CUTC: variants seen among roughly 807,000 people sequenced by gnomAD.
CUTC encodes the protein cutC copper transporter, also known as copper homeostasis protein cutC homolog.
CUTC carries 27 observed loss-of-function variants against 36.2 expected under a neutral mutation model. The ratio of observed to expected loss-of-function variants is 0.75; its 90% CI spans 0.55 to 1.03. The LOEUF is 1.03. CUTC is among the 50% of genes least tolerant of loss of function. CUTC has a pLI of 0.00. For missense variants in CUTC, 315 were observed against 343.5 expected (o/e 0.92, Z 0.66); for synonymous variants, 114 against 118.3 (o/e 0.96, Z 0.24).
rs140301005 is a variant in CUTC, at chr10:99,739,718, C to A, written c.142C>A (p.Arg48=). ...AVNAERGGAD[R]IELCSGLSEG... ...ATGCTTTTATATTACAGGTGCTGAT[C>A]GGATTGAATTATGTTCTGGTTTATC... is the stretch of plus-strand genomic sequence containing the variant. The change falls in exon 3 of 9, where the codon CGG becomes AGG. Residue 48 remains arginine, a synonymous_variant. Transcript: ENST00000370476. 6.2e-7 allele frequency: 1 copy of A among 1,610,224 alleles called. No homozygotes were observed. The highest frequency in any genetic ancestry group is 1.3e-5 in the African/African-American group (1 of 74,640).
chr10:99,745,258 G>C (rs1024492198), intron 5 of CUTC, among the ~76,000 whole-genome samples: 21 of 152,280 alleles, frequency 1.4e-4, no homozygotes, highest in African/African-American at 4.6e-4. Context: ...AAAATTTGTA[G>C]AATTTTTGGG....
chr10:99,738,454 A>T (rs1157382695), intron 2 of CUTC, among the ~76,000 whole-genome samples: 3 of 151,530 alleles, frequency 2.0e-5, no homozygotes, highest in Non-Finnish European at 2.9e-5. Context: ...AGAGCCAAAC[A>T]TTTCATTTGT....
At chr10:99,740,705 G>A (rs1163254484) in intron 3 of CUTC, among the ~76,000 whole-genome samples, 1 of 152,090 alleles carries the variant, frequency 6.6e-6, no homozygotes, top group Non-Finnish European at 1.5e-5. Context: ...CTCCTTTAGA[G>A]ACTTAAGCTA....
At position 99,754,557 on chromosome 10, in the gene CUTC, A is replaced by G; in HGVS notation, c.630A>G (p.Gln210=). 1 of 1,613,404 alleles carries G rather than the reference A, an allele frequency of 6.2e-7. No individual in the cohort carries two copies. ...PGGGITDRNL[Q]RILEGSGATE... is the part of the protein sequence containing the mutation. ...GTGGTATAACAGACAGAAATCTACA[A>G]AGGATCCTTGAGGGTTCAGGTGCTA... The change falls in exon 8 of 9, where the codon CAA becomes CAG. Residue 210 remains glutamine (Q), a synonymous_variant. Coordinates refer to ENST00000370476, the MANE Select transcript of CUTC (RefSeq NM_015960.3).
chr10:99,745,240 A>G (rs1033646647), intron 5 of CUTC, among the ~76,000 whole-genome samples: 1 of 152,232 alleles, frequency 6.6e-6, no homozygotes, highest in Non-Finnish European at 1.5e-5. Flanking sequence ...AAATATTTTC[A>G]TATTTTCAAA....
intron 1 of CUTC, 179 bp downstream of exon 1, chr10:99,732,588 G>A: frequency 2.1e-6 from 3 of 1,436,704 alleles, no homozygotes; most frequent in Non-Finnish European, 2.7e-6. Flanking sequence ...GTGACGAGGG[G>A]CAGGTAGCGA....
At chr10:99,748,893 T>C (rs756306607) in intron 6 of CUTC, among the ~76,000 whole-genome samples, 70 of 152,110 alleles carry the variant, frequency 4.6e-4, no homozygotes, top group Admixed American at 1.8e-3. Flanking sequence ...GCCAGAATAT[T>C]GAATGTGGAC....
chr10:99,743,260 G>C lies in CUTC; in HGVS notation c.301G>C (p.Ala101Pro). 3 of 1,614,156 alleles carry C rather than the reference G, an allele frequency of 1.9e-6. No individual in the cohort carries two copies. Among genetic ancestry groups the C allele is most frequent in the Non-Finnish European group, 2.5e-6 (3 of 1,180,038 alleles). The change falls in exon 4 of 9, where the codon GCT becomes CCT. Residue 101 changes from alanine to proline, a missense_variant. By Grantham distance (27) the Ala-to-Pro change is conservative. Transcript: ENST00000370476. ...YSDREIEVMK[A>P]DIRLAKLYGA... ...AGATCGTGAAATTGAGGTGATGAAG[G>C]CTGACATTCGTCTTGCCAAGCTTTA...
At chr10:99,740,492 A>C (rs556449138) in intron 3 of CUTC, among the ~76,000 whole-genome samples, 163 of 152,202 alleles carry the variant, frequency 1.1e-3, no homozygotes, top group African/African-American at 3.6e-3. Context: ...TGTTTCTGAC[A>C]AAAAGCTATC....
Position 99,736,274 on chromosome 10 carries a change from T to G in CUTC, c.90T>G (p.Val30=), listed in dbSNP as rs754143317. The G allele has an allele frequency of 6.2e-7, 1 of 1,613,930 alleles. No homozygotes were observed. Among genetic ancestry groups the G allele is most frequent in the Admixed American group, 1.7e-5 (1 of 60,028 alleles). The change falls in exon 2 of 9, where the codon GTT becomes GTG. Residue 30 remains valine, a synonymous_variant. Coordinates refer to ENST00000370476, the MANE Select transcript of CUTC (RefSeq NM_015960.3). ...CAGCAAATGGATTTCTCATGGAAGT[T>G]TGTGTTGATTCAGTGGAATCAGCTG... ...AGAANGFLME[V]CVDSVESAVN...
At position 99,755,863 on chromosome 10, in the gene CUTC, C is replaced by T; in HGVS notation, c.*124C>T. ...CAGTCGCAATCTTTGTTTTAAGTTTCACATGGCCATGGAGAATGTGCCCAA... is the reference window on the plus strand; with the variant it reads ...CAGTCGCAATCTTTGTTTTAAGTTTTACATGGCCATGGAGAATGTGCCCAA... On this transcript the variant is annotated 3_prime_UTR_variant, in exon 9 of 9. Transcript: ENST00000370476. The T allele has an allele frequency of 1.6e-6, 1 of 622,162 alleles. No individual in the cohort carries two copies. The highest frequency in any genetic ancestry group is 2.8e-6 in the Non-Finnish European group (1 of 354,928). The allele number at this position is 622,162 out of a possible 1,614,324, so 38.5% of individuals were successfully genotyped here.
At chr10:99,754,950 T>A (rs1238829381) in intron 8 of CUTC, among the ~76,000 whole-genome samples, 1 of 151,740 alleles carries the variant, frequency 6.6e-6, no homozygotes, top group Admixed American at 6.6e-5. Context: ...CGCCTATGAT[T>A]TCCTGTAGCA....
At chr10:99,745,732 C>T (rs2037373445) in intron 5 of CUTC, among the ~76,000 whole-genome samples, 1 of 152,194 alleles carries the variant, frequency 6.6e-6, no homozygotes, top group South Asian at 2.1e-4. Context: ...TGGCGCATGC[C>T]TGTAATCCCA....
rs1282806867 is a variant in CUTC, at chr10:99,755,895, A to G, written c.*156A>G. 3 of 557,902 alleles carry G rather than the reference A, an allele frequency of 5.4e-6. No individual in the cohort carries two copies. Among genetic ancestry groups the G allele is most frequent in the East Asian group, 5.9e-5 (2 of 34,186 alleles). 34.6% of individuals were successfully genotyped at this position (557,902 alleles called of 1,614,324 possible). On this transcript the variant is annotated 3_prime_UTR_variant, in exon 9 of 9. Coordinates refer to ENST00000370476, the MANE Select transcript of CUTC (RefSeq NM_015960.3). ...CCATGGAGAATGTGCCCAAGAAGAA[A>G]AAGAATTTGAAACAGAGATACAGTC...
chr10:99,732,502 C>A, intron 1 of CUTC, 93 bp downstream of exon 1: 2 of 1,533,908 alleles, frequency 1.3e-6, no homozygotes, highest in South Asian at 2.4e-5. Flanking sequence ...CTTCTGGAGT[C>A]GTTTCCTCAG....
intron 1 of CUTC, 110 bp downstream of exon 1, chr10:99,732,519 C>T: frequency 6.6e-7 from 1 of 1,512,960 alleles, no homozygotes; most frequent in Non-Finnish European, 8.8e-7. Context: ...TCAGCTCCTT[C>T]CAGCCCCTTG....
At chr10:99,750,234 C>A in intron 6 of CUTC, 135 bp from the exon 7 acceptor site, 1 of 480,336 alleles carries the variant, frequency 2.1e-6, no homozygotes. Flanking sequence ...TAGAGAAGAT[C>A]TAGTAAAAAT....
Position 99,747,250 on chromosome 10 carries a change from A to G in CUTC, c.440-7A>G, listed in dbSNP as rs1275532955. 1.2e-6 allele frequency: 2 copies of G among 1,612,260 alleles called. No individual in the cohort carries two copies. Among genetic ancestry groups the G allele is most frequent in the Non-Finnish European group, 1.7e-6 (2 of 1,179,510 alleles). ...TTCAAAATTCACATCAGTTTTATTTATTTCAGCCTTTGACATGGTTCATGA... is the reference window on the plus strand; with the variant it reads ...TTCAAAATTCACATCAGTTTTATTTGTTTCAGCCTTTGACATGGTTCATGA... On this transcript the variant is annotated splice_region_variant and splice_polypyrimidine_tract_variant and intron_variant, in intron 5 of 8. Transcript: ENST00000370476.
chr10:99,737,750 G>C (rs2037308302), intron 2 of CUTC, among the ~76,000 whole-genome samples: 1 of 152,168 alleles, frequency 6.6e-6, no homozygotes, highest in African/African-American at 2.4e-5. Flanking sequence ...ATGGTTTGCT[G>C]ACCCCTGATT....
Sources: allele counts gnomAD v4.1 joint callset (sites outside exome capture counted in the v4.1 genomes callset), GRCh38; gene constraint gnomAD v4.1.1; transcripts MANE v1.5; gene names NCBI Gene and HGNC (gene_info 2026-07-23, HGNC 2026-07-21).